Variants in NRG1 observed in about 807,000 individuals in gnomAD.
NRG1 encodes pro-neuregulin-1, membrane-bound isoform.
In NRG1, 18 loss-of-function variants were observed where a neutral mutation model predicts 63.8. The ratio of observed to expected loss-of-function variants is 0.28; its 90% CI spans 0.19 to 0.42. The LOEUF (loss-of-function observed/expected upper bound fraction) is 0.42, where lower values mean the gene tolerates loss of function less well. Ranked by LOEUF, NRG1 falls within the 10% of genes least tolerant of loss-of-function variation. The probability of loss-of-function intolerance (pLI) is 1.00; values close to 1 mark genes in which losing one functional copy is unlikely to be tolerated. For missense variants in NRG1, 762 were observed against 814.7 expected (o/e 0.94, Z 0.79); for synonymous variants, 302 against 301.3 (o/e 1.00, Z -0.02).
At chr8:32,548,878 C>G (rs1325154516) in intron 1 of NRG1, 52 bp downstream of exon 1, 3 of 1,294,984 alleles carry the variant, frequency 2.3e-6, no homozygotes, top group Non-Finnish European at 3.1e-6. Flanking sequence ...GCTCCTCCTA[C>G]TCCTCCTCCT....
chr8:31,906,272 C>G (rs569261073), intron 1 of NRG1, among the ~76,000 whole-genome samples: 1 of 152,204 alleles, frequency 6.6e-6, no homozygotes, highest in Non-Finnish European at 1.5e-5. Flanking sequence ...TGGCTATTTA[C>G]GACATGGCTT....
chr8:32,288,414 T>C (rs1853799007), intron 1 of NRG1, among the ~76,000 whole-genome samples: 1 of 152,204 alleles, frequency 6.6e-6, no homozygotes. Flanking sequence ...AATATAAAAT[T>C]TAACAAATCT....
chr8:32,302,421 G>C (rs1157811470), intron 1 of NRG1, among the ~76,000 whole-genome samples: 1 of 152,188 alleles, frequency 6.6e-6, no homozygotes, highest in African/African-American at 2.4e-5. Context: ...ACGAGGCTGT[G>C]TGTAAACTTA....
intron 1 of NRG1, among the ~76,000 whole-genome samples, chr8:32,003,534 T>C (rs989185980): frequency 6.6e-6 from 1 of 151,646 alleles, no homozygotes. Context: ...ATAGAAATGA[T>C]AGAAAAAGTG....
At chr8:32,545,394 C>G (rs1439551810), upstream of NRG1, among the ~76,000 whole-genome samples, 2 of 152,100 alleles carry the variant, frequency 1.3e-5, no homozygotes, top group Non-Finnish European at 2.9e-5. Flanking sequence ...CTATATAATA[C>G]ATGATCTAAG....
chr8:31,863,195 G>A (rs1429003779), intron 1 of NRG1, among the ~76,000 whole-genome samples: 4 of 152,126 alleles, frequency 2.6e-5, no homozygotes, highest in Non-Finnish European at 4.4e-5. Flanking sequence ...TCTCAAACTA[G>A]CAAACTGAAC....
rs1206645533 is a variant in NRG1 at position 32,641,394 on chromosome 8, T to C, written c.502+24509T>C. On this transcript the variant is annotated intron_variant, in intron 5 of 11. Coordinates refer to ENST00000356819, the Ensembl canonical transcript of NRG1. ...CTGTTGTGCAACCACCCCTTCCATC[T>C]AGTTCCAAAACCTCTCCAGTGGAAT... Among the ~76,000 whole-genome samples, 6 of 152,270 alleles carry C rather than the reference T, an allele frequency of 3.9e-5. No individual in the cohort carries two copies. The East Asian group carries it at 1.2e-3, about 29-fold the overall frequency.
At chr8:32,625,186 C>A (rs187881183) in intron 5 of NRG1, among the ~76,000 whole-genome samples, 1 of 152,314 alleles carries the variant, frequency 6.6e-6, no homozygotes, top group South Asian at 2.1e-4. Flanking sequence ...TAATTCATTT[C>A]TTTAATAACT....
chr8:32,257,797 T>C (rs1378557151), intron 1 of NRG1, among the ~76,000 whole-genome samples: 2 of 152,214 alleles, frequency 1.3e-5, no homozygotes, highest in East Asian at 3.9e-4. Flanking sequence ...CTTGTCTCAC[T>C]TCTAAAAGTG....
chr8:32,661,455 A>C (rs1387503198), intron 5 of NRG1, among the ~76,000 whole-genome samples: 1 of 152,210 alleles, frequency 6.6e-6, no homozygotes, highest in Non-Finnish European at 1.5e-5. Context: ...CAGAAGAGCC[A>C]TTAACATTTT....
chr8:32,352,967 G>GAC (rs1805830346), intron 1 of NRG1, among the ~76,000 whole-genome samples: 1 of 149,670 alleles, frequency 6.7e-6, no homozygotes, highest in African/African-American at 2.4e-5. Flanking sequence ...TATATACAGA[G>GAC]AGAGAGAGAC....
rs189626789 is a variant in NRG1, at chr8:32,494,327, A to G, written c.38-101501A>G. Among the ~76,000 whole-genome samples, 10 of 152,286 alleles carry G rather than the reference A, an allele frequency of 6.6e-5. No homozygotes were observed. In the East Asian group the frequency reaches 1.5e-3, roughly 23 times the overall value. On this transcript the variant is annotated intron_variant, in intron 1 of 10. Transcript: ENST00000519301. ...AATATTTTTGGCATATTTCTTCCATATATCTATTCATATTCACATTCATAC... is the reference window on the plus strand; with the variant it reads ...AATATTTTTGGCATATTTCTTCCATGTATCTATTCATATTCACATTCATAC...
chr8:31,725,795 A>G (rs7014410), intron 1 of NRG1, among the ~76,000 whole-genome samples: 36,236 of 152,042 alleles, frequency 0.24, 4,534 homozygotes, highest in Admixed American at 0.27. Flanking sequence ...GTGTAATGGC[A>G]TTGGTTTTAT....
intron 1 of NRG1, among the ~76,000 whole-genome samples, chr8:32,572,094 A>G (rs1194006776): frequency 6.6e-6 from 1 of 152,092 alleles, no homozygotes; most frequent in Non-Finnish European, 1.5e-5. Flanking sequence ...TTTTACCACA[A>G]GTGTTTTTTT....
At chr8:31,655,658 T>C (rs1156439855) in intron 1 of NRG1, among the ~76,000 whole-genome samples, 2 of 152,218 alleles carry the variant, frequency 1.3e-5, no homozygotes, top group African/African-American at 4.8e-5. Flanking sequence ...AGTTATATGC[T>C]TGTCATTTCA....
At chr8:32,009,585 T>G (rs888246330) in intron 1 of NRG1, among the ~76,000 whole-genome samples, 3 of 151,910 alleles carry the variant, frequency 2.0e-5, no homozygotes, top group Middle Eastern at 3.6e-3. Flanking sequence ...GGGAAGAGGA[T>G]GTTAAAAAGT....
chr8:32,563,614 T>C (rs1836873881), intron 1 of NRG1, among the ~76,000 whole-genome samples: 1 of 152,230 alleles, frequency 6.6e-6, no homozygotes, highest in Non-Finnish European at 1.5e-5. Flanking sequence ...TAACCTCTGC[T>C]GAGCAGCAGA....
intron 1 of NRG1, among the ~76,000 whole-genome samples, chr8:32,180,477 T>C (rs923756065): frequency 1.3e-5 from 2 of 152,166 alleles, no homozygotes; most frequent in East Asian, 1.9e-4. Flanking sequence ...AATTGTGATA[T>C]AGTAATAAAT....
upstream of NRG1, among the ~76,000 whole-genome samples, chr8:32,547,829 C>A (rs74988313): frequency 0.013 from 1,945 of 152,292 alleles, 40 homozygotes; most frequent in African/African-American, 0.044. Context: ...CAACGTTCCC[C>A]CCGCACCCCT....
Sources: allele counts gnomAD v4.1 joint callset (sites outside exome capture counted in the v4.1 genomes callset), GRCh38; gene constraint gnomAD v4.1.1; transcripts MANE v1.5; gene names NCBI Gene and HGNC (gene_info 2026-07-23, HGNC 2026-07-21).